Variants in OPHN1 observed in about 807,000 individuals in gnomAD.
OPHN1 encodes oligophrenin 1.
Under a neutral mutation model 60.7 loss-of-function variants are expected in OPHN1, and 11 were observed. The ratio of observed to expected loss-of-function variants is 0.18; its 90% CI spans 0.11 to 0.30. The LOEUF is 0.30. Among genes scored for constraint, OPHN1 ranks in the 10% least tolerant of loss-of-function variants. The probability of loss-of-function intolerance (pLI) is 1.00; values close to 1 mark genes in which losing one functional copy is unlikely to be tolerated. For missense variants in OPHN1, 449 were observed against 611.0 expected, an observed-to-expected ratio of 0.73 and a Z score of 2.80; for synonymous variants, 226 against 222.6, an observed-to-expected ratio of 1.02 and a Z score of -0.14.
intron 15 of OPHN1, among the ~76,000 whole-genome samples, chrX:68,119,905 T>C (rs1386364418): frequency 9.9e-5 from 11 of 111,348 alleles, no homozygotes. Context: ...AAGTAGTCAT[T>C]TAAAAATATT....
At chrX:68,404,489 A>G (rs929701900) in intron 2 of OPHN1, among the ~76,000 whole-genome samples, 1 of 111,544 alleles carries the variant, frequency 9.0e-6, no homozygotes. Context: ...CATATAATCC[A>G]GCAATCCCAC....
At chrX:68,156,129 T>C (rs946774268) in intron 15 of OPHN1, among the ~76,000 whole-genome samples, 1 of 110,914 alleles carries the variant, frequency 9.0e-6, no homozygotes, top group African/African-American at 3.3e-5. Context: ...AAGATATGCA[T>C]TTCCCTACTT....
chrX:68,175,100 A>T (rs1275352848), intron 15 of OPHN1, among the ~76,000 whole-genome samples: 1 of 109,974 alleles, frequency 9.1e-6, no homozygotes, highest in Non-Finnish European at 1.9e-5. Flanking sequence ...AAAGAAAAAA[A>T]ATCCCCCAAA....
chrX:68,105,055 A>G (rs773138621), intron 18 of OPHN1, among the ~76,000 whole-genome samples: 1 of 112,520 alleles, frequency 8.9e-6, no homozygotes, highest in Admixed American at 9.4e-5. Context: ...CATATGAAAG[A>G]AAGCTCATCA....
chrX:68,310,644 A>G (rs751650538), intron 2 of OPHN1, among the ~76,000 whole-genome samples: 6 of 111,525 alleles, frequency 5.4e-5, no homozygotes, highest in Admixed American at 1.9e-4. Context: ...GTAATTTTTA[A>G]ATATGAATAA....
In OPHN1 at chrX:68,340,358, T is replaced by C. The variant is rs371083756; in HGVS notation, c.155-41262A>G. 3.6e-5 allele frequency among the ~76,000 whole-genome samples: 4 copies of C among 112,339 alleles called. No homozygotes were observed. In the East Asian group the frequency reaches 8.4e-4, roughly 24 times the overall value. On this transcript the variant is annotated intron_variant, in intron 2 of 24. Transcript: ENST00000355520. ...TGACTATGTGGTCTTGGCATAAACATAGACATATAGATCAATAAAATAGAA... is the reference window on the plus strand; with the variant it reads ...TGACTATGTGGTCTTGGCATAAACACAGACATATAGATCAATAAAATAGAA...
intron 5 of OPHN1, among the ~76,000 whole-genome samples, chrX:68,251,966 GTTGGGC>G (rs1266356535): frequency 8.9e-6 from 1 of 112,196 alleles, no homozygotes; most frequent in African/African-American, 3.2e-5. Flanking sequence ...CCTTACTGAT[GTTGGGC>G]TTGGCCATAT....
At chrX:68,126,546 G>A (rs957306477) in intron 15 of OPHN1, among the ~76,000 whole-genome samples, 1 of 110,845 alleles carries the variant, frequency 9.0e-6, no homozygotes, top group African/African-American at 3.3e-5. Flanking sequence ...CCAGGTTCAA[G>A]CGATTCTCGT....
rs143598006 is a variant in OPHN1 at position 68,299,002 on chromosome X, G to T, written c.249C>A (p.Ile83=). The T allele has an allele frequency of 1.8e-5, 21 of 1,151,078 alleles. No homozygotes were observed. The African/African-American group carries it at 3.7e-4, about 21-fold the overall frequency. The allele number at this position is 1,151,078 out of a possible 1,213,427, so 94.9% of individuals were successfully genotyped here. A position where few individuals can be genotyped will look rare whatever the true frequency, so the allele number is the denominator to read the frequency against. ...GACCACATGTAGCTGAAGACTTACC[G>T]ATGTTAATTTCATCATCAGTCAGAG... ...GDTLTDDEIN[I]AESFKEFAEL... The change falls in exon 3 of 25, where the codon ATC becomes ATA. Residue 83 remains isoleucine (I), a splice_region_variant and synonymous_variant. Transcript: ENST00000355520.
At chrX:68,282,683 A>G (rs1474612296) in intron 4 of OPHN1, among the ~76,000 whole-genome samples, 1 of 111,731 alleles carries the variant, frequency 9.0e-6, no homozygotes. Flanking sequence ...TTTATTTTCT[A>G]CTGATTTTCT....
chrX:68,339,897 C>T (rs1397655916), intron 2 of OPHN1, among the ~76,000 whole-genome samples: 2 of 112,069 alleles, frequency 1.8e-5, no homozygotes, highest in Admixed American at 9.6e-5. Context: ...GCCACTGCAC[C>T]GGGCCACAAA....
chrX:68,279,101 CTTTTTTTTTTT>C (rs984725368), intron 4 of OPHN1, among the ~76,000 whole-genome samples: 119 of 21,786 alleles, frequency 5.5e-3, no homozygotes, highest in Non-Finnish European at 7.6e-3. Context: ...CTCCCCCGCT[CTTTTTTTTTTT>C]TTTTTTTTTT....
At chrX:68,073,732 G>A (rs2076943901) in intron 19 of OPHN1, among the ~76,000 whole-genome samples, 1 of 111,640 alleles carries the variant, frequency 9.0e-6, no homozygotes, top group South Asian at 3.8e-4. Context: ...GACATGGAAG[G>A]AGACTAAACA....
intron 2 of OPHN1, among the ~76,000 whole-genome samples, chrX:68,412,852 C>T (rs191520977): frequency 3.6e-5 from 4 of 111,588 alleles, no homozygotes; most frequent in East Asian, 2.8e-4. Flanking sequence ...AAGAATGCGA[C>T]TAAATATGGT....
chrX:68,348,659 C>A (rs1455285801), intron 2 of OPHN1, among the ~76,000 whole-genome samples: 3 of 111,545 alleles, frequency 2.7e-5, no homozygotes, highest in African/African-American at 3.3e-5. Context: ...AACGAATGAA[C>A]CTCATGCAAA....
chrX:68,236,245 G>A (rs969699057), intron 5 of OPHN1, among the ~76,000 whole-genome samples: 1 of 111,221 alleles, frequency 9.0e-6, no homozygotes, highest in Non-Finnish European at 1.9e-5. Context: ...AACATAGGAA[G>A]GACAAACTGT....
chrX:68,153,627 T>C (rs1325055736), intron 15 of OPHN1, among the ~76,000 whole-genome samples: 1 of 111,989 alleles, frequency 8.9e-6, no homozygotes, highest in East Asian at 2.8e-4. Flanking sequence ...TTTTTGTTAC[T>C]GGGGTAAGAA....
intron 2 of OPHN1, among the ~76,000 whole-genome samples, chrX:68,370,506 CAAA>C (rs768456592): frequency 1.1e-4 from 5 of 45,201 alleles, no homozygotes; most frequent in Admixed American, 2.9e-4. Flanking sequence ...GACTCCGTCT[CAAA>C]AAAAAAAAAA....
At chrX:68,224,920 G>A (rs1229327530) in intron 6 of OPHN1, among the ~76,000 whole-genome samples, 1 of 112,165 alleles carries the variant, frequency 8.9e-6, no homozygotes. Flanking sequence ...AAGCAGGGCA[G>A]GGCATCGCCT....
Sources: allele counts gnomAD v4.1 joint callset (sites outside exome capture counted in the v4.1 genomes callset), GRCh38; gene constraint gnomAD v4.1.1; transcripts MANE v1.5; gene names NCBI Gene and HGNC (gene_info 2026-07-23, HGNC 2026-07-21).